The following ABAT variants were observed in gnomAD, a reference collection of about 807,000 sequenced individuals.
The protein encoded by ABAT is 4-aminobutyrate aminotransferase.
ABAT carries 45 observed loss-of-function variants against 64.6 expected under a neutral mutation model. The ratio of observed to expected loss-of-function variants is 0.70; its 90% CI spans 0.55 to 0.89. The LOEUF is 0.89. Among genes scored for constraint, ABAT ranks in the 40% least tolerant of loss-of-function variants. The pLI, the probability that ABAT is intolerant of heterozygous loss-of-function variation, is 0.00. For synonymous variants in ABAT, 297 were observed against 250.5 expected (o/e 1.19, Z -1.75); for missense variants, 633 against 658.4 (o/e 0.96, Z 0.42).
intron 1 of ABAT, among the ~76,000 whole-genome samples, chr16:8,678,455 T>TAAA (rs1268248363): frequency 6.6e-6 from 1 of 152,198 alleles, no homozygotes; most frequent in African/African-American, 2.4e-5. Flanking sequence ...ACTCTACAGA[T>TAAA]AAGCAAACTA....
In ABAT at chr16:8,735,729, C is replaced by A; in HGVS notation, c.-11C>A. 1.3e-6 allele frequency: 2 copies of A among 1,597,298 alleles called. No homozygotes were observed. Among genetic ancestry groups the A allele is most frequent in the East Asian group, 2.2e-5 (1 of 44,480 alleles). ...CAGCACGCAAAGGGTGTCCCTGTCC[C>A]TCAAGGGGTCATGGCCTCCATGTTG... On this transcript the variant is annotated 5_prime_UTR_variant, in exon 2 of 16. Coordinates refer to ENST00000268251, the MANE Select transcript of ABAT (RefSeq NM_020686.6).
In ABAT at chr16:8,697,641, G is replaced by GTTT. The variant is rs1567274123; in HGVS notation, c.-42+22930_-42+22931insTTT. Among the ~76,000 whole-genome samples the GTTT allele has an allele frequency of 4.0e-3, 452 of 112,430 alleles. 1 individual carries two copies. Among genetic ancestry groups the GTTT allele is most frequent in the African/African-American group, 0.013 (438 of 34,998 alleles). 73.8% of individuals were successfully genotyped at this position (112,430 alleles called of 152,430 possible). A position where few individuals can be genotyped will look rare whatever the true frequency, so the allele number is the denominator to read the frequency against. On this transcript the variant is annotated intron_variant, in intron 1 of 15. Transcript: ENST00000268251. ...TTTTGTTGTTTGTTTTTTGTTTTTT[G>GTTT]GTTTTTTTTTTGGAGATGGGGTCTT...
chr16:8,735,351 A>C (rs758616676), intron 1 of ABAT, among the ~76,000 whole-genome samples: 1 of 151,964 alleles, frequency 6.6e-6, no homozygotes, highest in African/African-American at 2.4e-5. Flanking sequence ...TCCTGGGCTC[A>C]AGCGATCCTA....
chr16:8,737,536 G>C (rs1430450606), intron 2 of ABAT: 2 of 151,596 alleles, frequency 1.3e-5, no homozygotes, highest in Non-Finnish European at 2.9e-5. Flanking sequence ...TTACAGAGAA[G>C]TTACAAAGAT....
rs555316084 is a variant in ABAT at position 8,757,328 on chromosome 16, C to T, written c.317-429C>T. ...GATTACAGGCACGTGCTACCTCGCCCGGCTAATTTTTGTATTTTTAGTAGA... is the reference window on the plus strand; with the variant it reads ...GATTACAGGCACGTGCTACCTCGCCTGGCTAATTTTTGTATTTTTAGTAGA... On this transcript the variant is annotated intron_variant, in intron 5 of 15. Coordinates refer to ENST00000268251, the MANE Select transcript of ABAT (RefSeq NM_020686.6). 41 of 360,420 alleles carry T rather than the reference C, an allele frequency of 1.1e-4. No homozygotes were observed. The Admixed American group carries it at 1.4e-3, about 12-fold the overall frequency. 22.3% of individuals were successfully genotyped at this position (360,420 alleles called of 1,614,324 possible).
intron 1 of ABAT, among the ~76,000 whole-genome samples, chr16:8,675,735 A>G (rs531828586): frequency 1.3e-4 from 20 of 152,296 alleles, no homozygotes; most frequent in African/African-American, 4.8e-4. Context: ...CTGAGGCAGC[A>G]GGACCAGCAG....
At chr16:8,770,125 C>T (rs542070663) in intron 11 of ABAT, among the ~76,000 whole-genome samples, 9 of 152,224 alleles carry the variant, frequency 5.9e-5, no homozygotes, top group Admixed American at 5.9e-4. Context: ...CAAGGAGTCA[C>T]ATTTGCTTTG....
rs146702373 is a variant in ABAT, at chr16:8,694,769, G to A, written c.-42+20058G>A. 4.7e-3 allele frequency among the ~76,000 whole-genome samples: 711 copies of A among 152,334 alleles called. 8 individuals carry two copies. The highest frequency in any genetic ancestry group is 3.9e-3 in the Non-Finnish European group (266 of 68,034). ...CAAATTCCAGTGGAGTGTGGAGTCA[G>A]TCATGATGGGTGCATTCCCAAGGCT... is the stretch of plus-strand genomic sequence containing the variant. On this transcript the variant is annotated intron_variant, in intron 1 of 15. Transcript: ENST00000268251.
At chr16:8,698,281 G>A (rs1024333574) in intron 1 of ABAT, among the ~76,000 whole-genome samples, 1 of 151,772 alleles carries the variant, frequency 6.6e-6, no homozygotes, top group Non-Finnish European at 1.5e-5. Context: ...ATCACATTTT[G>A]TTTATCTGCT....
At chr16:8,677,476 T>G (rs1447259617) in intron 1 of ABAT, among the ~76,000 whole-genome samples, 1 of 152,206 alleles carries the variant, frequency 6.6e-6, no homozygotes, top group Non-Finnish European at 1.5e-5. Flanking sequence ...TGAACCTCAG[T>G]TCCTCGTCTT....
rs200203278 is a variant in ABAT at position 8,781,279 on chromosome 16, C to A, written c.1382-30C>A. 1.2e-6 allele frequency: 2 copies of A among 1,613,602 alleles called. No individual in the cohort carries two copies. The highest frequency in any genetic ancestry group is 1.3e-5 in the African/African-American group (1 of 74,912). Reference sequence around the variant, plus strand: ...CCCAGCATGTGACTTTGAGAAACCACGCTCCTCACCTACCTCCTGCCTCTT... The same window carrying A: ...CCCAGCATGTGACTTTGAGAAACCAAGCTCCTCACCTACCTCCTGCCTCTT... On this transcript the variant is annotated intron_variant, in intron 15 of 15. Transcript: ENST00000268251. This position sits in a 1 kb window ranked among gnomAD's most constrained non-coding sequence, Gnocchi z 4.5.
intron 1 of ABAT, among the ~76,000 whole-genome samples, chr16:8,690,102 C>T (rs1423096641): frequency 6.6e-6 from 1 of 152,218 alleles, no homozygotes; most frequent in African/African-American, 2.4e-5. Context: ...TATTAAGCTT[C>T]ATCTCCCAGC....
chr16:8,709,654 G>C (rs962436631), intron 1 of ABAT, among the ~76,000 whole-genome samples: 6 of 151,938 alleles, frequency 3.9e-5, no homozygotes, highest in Admixed American at 2.0e-4. Context: ...GATTACAGGC[G>C]TGAGCCACCA....
At chr16:8,769,557 C>CA (rs35002036) in intron 11 of ABAT, among the ~76,000 whole-genome samples, 4,962 of 86,108 alleles carry the variant, frequency 0.058, 226 homozygotes, top group African/African-American at 0.13. Flanking sequence ...AGACTCTGTC[C>CA]AAAAAAAAAA....
chr16:8,768,530 G>A (rs2060011695), intron 10 of ABAT, among the ~76,000 whole-genome samples: 1 of 152,190 alleles, frequency 6.6e-6, no homozygotes, highest in Non-Finnish European at 1.5e-5. Flanking sequence ...TAATCGCAAT[G>A]CAAACACATA....
chr16:8,710,946 C>T (rs2058057619), intron 1 of ABAT, among the ~76,000 whole-genome samples: 1 of 152,214 alleles, frequency 6.6e-6, no homozygotes, highest in Admixed American at 6.5e-5. Context: ...ATCACTTTCC[C>T]ATATCAGTAC....
rs758948605 is a variant in ABAT, at chr16:8,746,025, C to T, written c.95C>T (p.Ala32Val). ...GGATCCAGACACATTAGTCAAGCTG[C>T]AGCCAAAGTCGACGTTGAATTTGAT... is the stretch of plus-strand genomic sequence containing the variant. ...VPGSRHISQAAAKVDVEFDYD... is the reference protein window; with the variant it reads ...VPGSRHISQAVAKVDVEFDYD... Residue 32 changes from alanine (A) to valine (V), a missense_variant, in exon 3 of 16, where the codon GCA becomes GTA. Physicochemically the swap from Ala to Val is moderately conservative, Grantham distance 64. Coordinates refer to ENST00000268251, the MANE Select transcript of ABAT (RefSeq NM_020686.6). 3 of 1,613,886 alleles carry T rather than the reference C, an allele frequency of 1.9e-6. No individual in the cohort carries two copies. The highest frequency in any genetic ancestry group is 2.7e-5 in the African/African-American group (2 of 74,916).
intron 1 of ABAT, among the ~76,000 whole-genome samples, chr16:8,693,618 G>A (rs2057634928): frequency 6.6e-6 from 1 of 152,162 alleles, no homozygotes; most frequent in African/African-American, 2.4e-5. Flanking sequence ...ATAGGCATGT[G>A]CCATGATACT....
chr16:8,696,586 C>T (rs1358026483), intron 1 of ABAT, among the ~76,000 whole-genome samples: 1 of 152,168 alleles, frequency 6.6e-6, no homozygotes, highest in East Asian at 1.9e-4. Flanking sequence ...AGCCACTGTA[C>T]TCCAGCCTGG....
Sources: allele counts gnomAD v4.1 joint callset (sites outside exome capture counted in the v4.1 genomes callset), GRCh38; gene constraint gnomAD v4.1.1; non-coding constraint Gnocchi (gnomAD v3.1); transcripts MANE v1.5; gene names NCBI Gene and HGNC (gene_info 2026-07-23, HGNC 2026-07-21).